The following TSGA10 variants were observed in gnomAD, a reference collection of about 807,000 sequenced individuals.
The protein encoded by TSGA10 is testis specific 10, also known as testis-specific gene 10 protein.
A neutral mutation model predicts 96.6 loss-of-function variants in TSGA10; 43 were observed. That is an observed-to-expected ratio of 0.44 (90% CI 0.35 to 0.57). TSGA10 has a LOEUF of 0.57. TSGA10 is among the 20% of genes least tolerant of loss of function. TSGA10 has a pLI of 0.01. For synonymous variants in TSGA10, 229 were observed against 269.9 expected (o/e 0.85, Z 1.48); for missense variants, 703 against 834.4 (o/e 0.84, Z 1.94).
At chr2:99,020,097 T>G (rs2079874210) in intron 18 of TSGA10, among the ~76,000 whole-genome samples, 183 bp downstream of exon 18, 1 of 152,210 alleles carries the variant, frequency 6.6e-6, no homozygotes, top group Non-Finnish European at 1.5e-5. Flanking sequence ...TAGAGATCAT[T>G]AAACTTAAAT....
At chr2:99,137,291 G>T (rs1318716599) in intron 1 of TSGA10, among the ~76,000 whole-genome samples, 1 of 152,116 alleles carries the variant, frequency 6.6e-6, no homozygotes, top group African/African-American at 2.4e-5. Context: ...CACTGCACCC[G>T]GCCAAGACTC....
chr2:99,012,836 G>A (rs1036152906), intron 20 of TSGA10, among the ~76,000 whole-genome samples: 1 of 152,038 alleles, frequency 6.6e-6, no homozygotes, highest in African/African-American at 2.4e-5. Context: ...GACTTAACAG[G>A]TATTTACAGA....
At chr2:99,046,448 T>C (rs1409628566) in intron 16 of TSGA10, among the ~76,000 whole-genome samples, 2 of 152,140 alleles carry the variant, frequency 1.3e-5, no homozygotes, top group Non-Finnish European at 2.9e-5. Flanking sequence ...ACATGGAAAC[T>C]GAACAACCTG....
chr2:99,081,632 T>C (rs1337883953), intron 10 of TSGA10, among the ~76,000 whole-genome samples: 1 of 152,178 alleles, frequency 6.6e-6, no homozygotes, highest in South Asian at 2.1e-4. Flanking sequence ...CATAATACCT[T>C]CCTTAGGTCC....
chr2:99,057,048 AG>A (rs766228562), intron 16 of TSGA10, among the ~76,000 whole-genome samples: 1 of 152,124 alleles, frequency 6.6e-6, no homozygotes, highest in Non-Finnish European at 1.5e-5. Flanking sequence ...CACTCTTCAA[AG>A]TAACAATAAA....
At position 99,154,812 on chromosome 2, in the gene TSGA10, G is replaced by A. The variant is rs1348540699; in HGVS notation, c.-740C>T. 1.5e-5 allele frequency: 5 copies of A among 327,786 alleles called. No homozygotes were observed. In the East Asian group the frequency reaches 4.5e-4, roughly 30 times the overall value. 20.3% of individuals were successfully genotyped at this position (327,786 alleles called of 1,614,324 possible). On this transcript the variant is annotated 5_prime_UTR_variant, in exon 1 of 21. Transcript: ENST00000393483. ...TAGCCTGCGTCCCTGCCTGGAACCT[G>A]GTTCCCGCCCTGAAGGACCCTTACT... is the stretch of plus-strand genomic sequence containing the variant.
intron 1 of TSGA10, among the ~76,000 whole-genome samples, chr2:99,139,500 G>A (rs1288261915): frequency 6.6e-6 from 1 of 151,948 alleles, no homozygotes; most frequent in Non-Finnish European, 1.5e-5. Flanking sequence ...AGTTGAGGTG[G>A]GTTTTTCTTT....
At chr2:99,026,132 T>C (rs144965741) in intron 17 of TSGA10, among the ~76,000 whole-genome samples, 1 of 152,318 alleles carries the variant, frequency 6.6e-6, no homozygotes, top group East Asian at 1.9e-4. Flanking sequence ...ATCTTATATT[T>C]CCTTGTTGAT....
intron 20 of TSGA10, among the ~76,000 whole-genome samples, chr2:98,999,669 G>T (rs1301865453): frequency 6.6e-6 from 1 of 152,174 alleles, no homozygotes; most frequent in African/African-American, 2.4e-5. Flanking sequence ...ACATAGTACA[G>T]AAAGTAATTA....
At chr2:99,135,647 G>A (rs931574024) in intron 1 of TSGA10, among the ~76,000 whole-genome samples, 1 of 152,156 alleles carries the variant, frequency 6.6e-6, no homozygotes, top group African/African-American at 2.4e-5. Context: ...TTAGCTGTGT[G>A]ATCTTGGGCG....
chr2:99,151,778 G>A (rs1012172069), intron 1 of TSGA10, among the ~76,000 whole-genome samples: 1 of 150,996 alleles, frequency 6.6e-6, no homozygotes, highest in African/African-American at 2.4e-5. Flanking sequence ...TCTTGCAGAT[G>A]GTACCATTTT....
At chr2:99,016,090 C>G (rs933125546) in intron 20 of TSGA10, among the ~76,000 whole-genome samples, 2 of 152,096 alleles carry the variant, frequency 1.3e-5, no homozygotes, top group Admixed American at 1.3e-4. Context: ...AAGCAATATG[C>G]AAATTCAGTG....
intron 17 of TSGA10, among the ~76,000 whole-genome samples, chr2:99,027,437 A>G (rs901016291): frequency 6.6e-6 from 1 of 152,224 alleles, no homozygotes; most frequent in African/African-American, 2.4e-5. Context: ...AGTTTTAGTT[A>G]GACTGGAGAA....
intron 7 of TSGA10, among the ~76,000 whole-genome samples, chr2:99,107,745 T>C (rs2091476310): frequency 6.6e-6 from 1 of 152,200 alleles, no homozygotes; most frequent in Non-Finnish European, 1.5e-5. Context: ...CATTTATGTA[T>C]TGTCCAAAGC....
At chr2:99,104,871 T>C (rs1454060742) in intron 9 of TSGA10, among the ~76,000 whole-genome samples, 2 of 152,240 alleles carry the variant, frequency 1.3e-5, no homozygotes, top group Non-Finnish European at 2.9e-5. Context: ...AATTCTCTTA[T>C]GTTTATATAG....
intron 10 of TSGA10, 48 bp from the exon 11 acceptor site, chr2:99,081,445 C>A: frequency 9.2e-7 from 1 of 1,081,266 alleles, no homozygotes; most frequent in South Asian, 1.7e-5. Flanking sequence ...TTTGTTTTGT[C>A]ATCTTGTAGT....
At chr2:99,012,011 C>T (rs557876945) in intron 20 of TSGA10, among the ~76,000 whole-genome samples, 2 of 152,268 alleles carry the variant, frequency 1.3e-5, no homozygotes, top group African/African-American at 4.8e-5. Context: ...CCCTACAAGC[C>T]AGAAGGGATT....
chr2:99,081,214 G>A, intron 11 of TSGA10, 68 bp downstream of exon 11: 1 of 870,582 alleles, frequency 1.1e-6, no homozygotes, highest in South Asian at 2.0e-5. Flanking sequence ...ATACTGAAGA[G>A]AAGAAAATAC....
intron 4 of TSGA10, among the ~76,000 whole-genome samples, chr2:99,116,790 A>G (rs573609403): frequency 1.3e-5 from 2 of 152,342 alleles, no homozygotes; most frequent in African/African-American, 4.8e-5. Context: ...TATGGGGTAC[A>G]TGTGATATTT....
Sources: gnomAD v4.1 joint callset for allele counts (sites outside exome capture counted in the v4.1 genomes callset) on GRCh38, gnomAD v4.1.1 for gene constraint, MANE v1.5 for transcripts, NCBI Gene and HGNC (gene_info 2026-07-23, HGNC 2026-07-21) for gene names.